The following CDH13 variants were observed in gnomAD, a reference collection of about 807,000 sequenced individuals.
CDH13 encodes cadherin-13.
Under a neutral mutation model 63.8 loss-of-function variants are expected in CDH13, and 24 were observed. The ratio of observed to expected loss-of-function variants is 0.38; its 90% CI spans 0.27 to 0.53. CDH13 has a LOEUF of 0.53. CDH13 is among the 20% of genes least tolerant of loss of function. The probability of loss-of-function intolerance (pLI) is 0.85; values close to 1 mark genes in which losing one functional copy is unlikely to be tolerated. For missense variants in CDH13, 1,049 were observed against 903.1 expected, an observed-to-expected ratio of 1.16 and a Z score of -2.07; for synonymous variants, 503 against 355.3, an observed-to-expected ratio of 1.42 and a Z score of -4.67.
intron 5 of CDH13, among the ~76,000 whole-genome samples, chr16:83,318,514 C>G (rs994559435): frequency 6.6e-6 from 1 of 152,170 alleles, no homozygotes; most frequent in Non-Finnish European, 1.5e-5. Flanking sequence ...CCACATGAAA[C>G]CTGATTCTGT....
At chr16:82,873,848 T>G (rs1405960364) in intron 2 of CDH13, among the ~76,000 whole-genome samples, 2 of 152,168 alleles carry the variant, frequency 1.3e-5, no homozygotes, top group African/African-American at 4.8e-5. Flanking sequence ...AGAGAGCATA[T>G]TTTCTTCCTA....
At chr16:83,294,836 T>C (rs985608770) in intron 5 of CDH13, among the ~76,000 whole-genome samples, 1 of 152,116 alleles carries the variant, frequency 6.6e-6, no homozygotes, top group Non-Finnish European at 1.5e-5. Flanking sequence ...ACATAATCTA[T>C]ATTAAAATAT....
chr16:83,151,206 G>T (rs569611510), intron 4 of CDH13, among the ~76,000 whole-genome samples: 59 of 152,292 alleles, frequency 3.9e-4, no homozygotes, highest in African/African-American at 1.4e-3. Context: ...CCATCAGAGA[G>T]ACAGACACAT....
Position 82,645,150 on chromosome 16 carries a change from C to T in CDH13, c.45+18013C>T, listed in dbSNP as rs184545424. 4.0e-4 allele frequency among the ~76,000 whole-genome samples: 61 copies of T among 152,270 alleles called. 1 individual carries two copies. The highest frequency in any genetic ancestry group is 1.4e-3 in the African/African-American group (59 of 41,548). Reference sequence around the variant, plus strand: ...AAAACAAGCTCCTAGGATGCCATATCTCAGAGTACGGGCTTCGACGGGGCC... The same window carrying T: ...AAAACAAGCTCCTAGGATGCCATATTTCAGAGTACGGGCTTCGACGGGGCC... On this transcript the variant is annotated intron_variant, in intron 1 of 13. Coordinates refer to ENST00000567109, the MANE Select transcript of CDH13 (RefSeq NM_001257.5).
At chr16:83,792,364 G>A (rs544274021) in intron 13 of CDH13, among the ~76,000 whole-genome samples, 5 of 151,230 alleles carry the variant, frequency 3.3e-5, no homozygotes, top group Admixed American at 3.3e-4. Flanking sequence ...AGTCACTTAT[G>A]TTATCATCTA....
At chr16:83,707,836 C>CAAAAAAAAAAAAGAAAAAAAAAAAAAA (rs1907342496) in intron 10 of CDH13, among the ~76,000 whole-genome samples, 1 of 78,902 alleles carries the variant, frequency 1.3e-5, no homozygotes, top group Non-Finnish European at 2.3e-5. Flanking sequence ...ACCCTAAAGG[C>CAAAAAAAAAAAAGAAAAAAAAAAAAAA]AAAAAAAAAA....
At chr16:83,683,561 C>T (rs1013151070) in intron 10 of CDH13, among the ~76,000 whole-genome samples, 5 of 152,128 alleles carry the variant, frequency 3.3e-5, no homozygotes, top group African/African-American at 9.7e-5. Flanking sequence ...TATTTTTCGT[C>T]GCTGAATAGT....
chr16:82,735,945 C>A (rs530211452), intron 1 of CDH13, among the ~76,000 whole-genome samples: 9 of 152,212 alleles, frequency 5.9e-5, no homozygotes, highest in Non-Finnish European at 1.3e-4. Flanking sequence ...GCTATACTCA[C>A]TAGGCTGATT....
At chr16:83,483,739 G>A (rs548134160) in intron 6 of CDH13, among the ~76,000 whole-genome samples, 2 of 152,194 alleles carry the variant, frequency 1.3e-5, no homozygotes, top group African/African-American at 4.8e-5. Flanking sequence ...GGGTAAGATC[G>A]CAGGCCTGAA....
chr16:83,529,116 T>C (rs539776827), intron 7 of CDH13, among the ~76,000 whole-genome samples: 1 of 150,446 alleles, frequency 6.6e-6, no homozygotes, highest in African/African-American at 2.4e-5. Context: ...TTCTTTTTCA[T>C]TGTAGATCTA....
chr16:83,052,169 C>A (rs1324360975), intron 3 of CDH13, among the ~76,000 whole-genome samples: 1 of 152,044 alleles, frequency 6.6e-6, no homozygotes, highest in East Asian at 1.9e-4. Context: ...GAAACCTTTA[C>A]CAAAATGAGC....
chr16:83,045,461 A>G (rs1043203176), intron 3 of CDH13, among the ~76,000 whole-genome samples: 1 of 151,862 alleles, frequency 6.6e-6, no homozygotes, highest in African/African-American at 2.4e-5. Context: ...AGATGGTGAA[A>G]CCCTATCTCT....
intron 7 of CDH13, among the ~76,000 whole-genome samples, chr16:83,538,693 A>T (rs1305879082): frequency 1.3e-5 from 2 of 152,218 alleles, no homozygotes; most frequent in Non-Finnish European, 2.9e-5. Context: ...ACAGAAAGAA[A>T]GGCATAGCTC....
intron 8 of CDH13, among the ~76,000 whole-genome samples, chr16:83,653,347 A>G (rs1282510032): frequency 2.0e-5 from 3 of 152,222 alleles, no homozygotes; most frequent in African/African-American, 4.8e-5. Flanking sequence ...AAAAAACTGC[A>G]TAGCACCATG....
intron 5 of CDH13, among the ~76,000 whole-genome samples, chr16:83,299,715 A>T (rs2089687780): frequency 6.6e-6 from 1 of 152,252 alleles, no homozygotes; most frequent in African/African-American, 2.4e-5. Flanking sequence ...AACTTGGAAA[A>T]TGCCAGTTGT....
intron 7 of CDH13, among the ~76,000 whole-genome samples, chr16:83,509,753 T>G (rs2151601249): frequency 6.6e-6 from 1 of 152,328 alleles, no homozygotes; most frequent in South Asian, 2.1e-4. Context: ...AAACTAAGTT[T>G]TATTAAAGCC....
At chr16:82,668,821 T>C (rs1180210130) in intron 1 of CDH13, among the ~76,000 whole-genome samples, 2 of 152,184 alleles carry the variant, frequency 1.3e-5, no homozygotes, top group Non-Finnish European at 2.9e-5. Context: ...GGAGTGACGA[T>C]GTCAGAGAGG....
chr16:82,944,340 G>A (rs955054301), intron 2 of CDH13, among the ~76,000 whole-genome samples: 3 of 152,260 alleles, frequency 2.0e-5, no homozygotes, highest in Non-Finnish European at 2.9e-5. Flanking sequence ...CGTGTTTACC[G>A]ATACTGTGTG....
chr16:83,436,966 G>T (rs1364113395), intron 6 of CDH13, among the ~76,000 whole-genome samples: 2 of 152,114 alleles, frequency 1.3e-5, no homozygotes, highest in African/African-American at 4.8e-5. Context: ...GTAGGAGACT[G>T]GGATGGTGAA....
Sources: gnomAD v4.1 joint callset for allele counts (sites outside exome capture counted in the v4.1 genomes callset) on GRCh38, gnomAD v4.1.1 for gene constraint, MANE v1.5 for transcripts, NCBI Gene and HGNC (gene_info 2026-07-23, HGNC 2026-07-21) for gene names.